Variants in SPG7 observed in about 807,000 individuals in gnomAD.
The protein encoded by SPG7 is mitochondrial inner membrane m-AAA protease component paraplegin.
A neutral mutation model predicts 81.9 loss-of-function variants in SPG7; 103 were observed. That is an observed-to-expected ratio of 1.26 (90% CI 1.07 to 1.48). The LOEUF (loss-of-function observed/expected upper bound fraction) is 1.48. Among genes scored for constraint, SPG7 ranks in the 40% most tolerant of loss-of-function variants. The probability of loss-of-function intolerance (pLI) is 0.00; values close to 1 mark genes in which losing one functional copy is unlikely to be tolerated. For missense variants in SPG7, 1,241 were observed against 1,087.3 expected, an observed-to-expected ratio of 1.14 and a Z score of -1.99; for synonymous variants, 534 against 444.2, an observed-to-expected ratio of 1.20 and a Z score of -2.54.
At chr16:89,532,153 A>C in intron 8 of SPG7, 87 bp downstream of exon 8, 9 of 1,265,954 alleles carry the variant, frequency 7.1e-6, no homozygotes, top group Non-Finnish European at 1.0e-5. Context: ...CTGGACTGAA[A>C]GGGACACGGG....
At position 89,545,624 on chromosome 16, in the gene SPG7, T is replaced by C. The variant is rs378980; in HGVS notation, c.1449+852T>C. Reference sequence around the variant, plus strand: ...GACACTGTTTCTCCAGGGGACACTGTTTCTCCAGGGGATGGCAGCTTCTCC... The same window carrying C: ...GACACTGTTTCTCCAGGGGACACTGCTTCTCCAGGGGATGGCAGCTTCTCC... On this transcript the variant is annotated intron_variant, in intron 10 of 16. Transcript: ENST00000645818. 1.2e-5 allele frequency: 3 copies of C among 241,314 alleles called. No homozygotes were observed. In the East Asian group the frequency reaches 5.0e-4, roughly 40 times the overall value. The allele number at this position is 241,314 out of a possible 1,614,324, so 14.9% of individuals were successfully genotyped here. A position where few individuals can be genotyped will look rare whatever the true frequency, so the allele number is the denominator to read the frequency against.
At chr16:89,546,877 C>A (rs754663605) in intron 11 of SPG7, 117 bp downstream of exon 11, 4 of 748,040 alleles carry the variant, frequency 5.3e-6, no homozygotes, top group Non-Finnish European at 9.6e-6. Flanking sequence ...CTCTGGGGGC[C>A]TCTGCTCAGT....
intron 3 of SPG7, among the ~76,000 whole-genome samples, chr16:89,516,083 G>T (rs2058092766): frequency 6.6e-6 from 1 of 151,752 alleles, no homozygotes; most frequent in Non-Finnish European, 1.5e-5. Flanking sequence ...TGCCTCCTGG[G>T]TTCCAGTGAT....
intron 9 of SPG7, chr16:89,542,961 T>G (rs1443353762): frequency 6.8e-6 from 1 of 147,598 alleles, no homozygotes; most frequent in Non-Finnish European, 1.5e-5. Flanking sequence ...TTTTTTTTTT[T>G]TTTTGAGACG....
In SPG7 at chr16:89,532,024, T is replaced by C; in HGVS notation, c.1108T>C (p.Phe370Leu). 2 of 1,613,594 alleles carry C rather than the reference T, an allele frequency of 1.2e-6. No individual in the cohort carries two copies. Among genetic ancestry groups the C allele is most frequent in the African/African-American group, 2.7e-5 (2 of 75,030 alleles). ...GGTGGCCACGGAGGCTCAGGTGCCC[T>C]TCCTGGCGATGGCCGGCCCAGAGTT... The part of the protein sequence containing the change: ...KAVATEAQVP[F>L]LAMAGPEFVE... Residue 370 changes from phenylalanine (F) to leucine (L), a missense_variant, in exon 8 of 17, where the codon TTC (phenylalanine) becomes CTC (leucine). Coordinates refer to ENST00000645818, the MANE Select transcript of SPG7 (RefSeq NM_003119.4).
At position 89,556,936 on chromosome 16, in the gene SPG7, A is replaced by T; in HGVS notation, c.2231A>T (p.Glu744Val). Residue 744 changes from glutamate (E) to valine (V), a missense_variant, in exon 17 of 17, where the codon GAG (glutamate) becomes GTG (valine). Transcript: ENST00000645818. ...EKEVINYEDI[E>V]ALIGPPPHGP... ...GAAGTGATAAACTATGAGGACATTG[A>T]GGCTCTCATTGGCCCGCCGCCCCAT... is the stretch of plus-strand genomic sequence containing the variant. 1.2e-6 allele frequency: 2 copies of T among 1,614,090 alleles called. No individual in the cohort carries two copies.
At chr16:89,532,130 C>A in intron 8 of SPG7, 64 bp downstream of exon 8, 1 of 1,522,736 alleles carries the variant, frequency 6.6e-7, no homozygotes, top group Non-Finnish European at 9.0e-7. Context: ...TTCACACATC[C>A]TTCCTCTGGT....
rs863224219 is a variant in SPG7 at position 89,530,762 on chromosome 16, T to C, written c.941T>C (p.Met314Thr). The change falls in exon 7 of 17, where the codon ATG becomes ACG. Residue 314 changes from methionine to threonine, a missense_variant. Coordinates refer to ENST00000645818, the MANE Select transcript of SPG7 (RefSeq NM_003119.4). The stretch of plus-strand genomic sequence containing the variant: ...GTCAGCTTCAAAGACGTGGCAGGAA[T>C]GCACGAAGCCAAACTGGAAGTCCGC... ...KGVSFKDVAG[M>T]HEAKLEVREF... 9.3e-6 allele frequency: 15 copies of C among 1,614,004 alleles called. No homozygotes were observed. The highest frequency in any genetic ancestry group is 1.3e-5 in the Non-Finnish European group (15 of 1,180,028).
rs1293278204 is a variant in SPG7, at chr16:89,557,039, C to T, written c.2334C>T (p.Thr778=). The T allele has an allele frequency of 1.1e-5, 18 of 1,612,586 alleles. No homozygotes were observed. The highest frequency in any genetic ancestry group is 2.2e-5 in the East Asian group (1 of 44,894). The stretch of plus-strand genomic sequence containing the variant: ...AACAGGACTTGGGCGAGGAGGAGAC[C>T]GAAGAGACCCAGCAGCCTCCACTTG... The part of the protein sequence containing the change: ...REKQDLGEEE[T]EETQQPPLGG... Residue 778 remains threonine, a synonymous_variant, in exon 17 of 17, where the codon ACC becomes ACT. Coordinates refer to ENST00000645818, the MANE Select transcript of SPG7 (RefSeq NM_003119.4).
rs886052475 is a variant in SPG7, at chr16:89,557,190, G to T, written c.*97G>T. ...TCAGCTGAGGTTTGCACTTCCTCTCGCGGCCCTCAGTAGTCCCTGCACAGT... is the reference window on the plus strand; with the variant it reads ...TCAGCTGAGGTTTGCACTTCCTCTCTCGGCCCTCAGTAGTCCCTGCACAGT... On this transcript the variant is annotated 3_prime_UTR_variant, in exon 17 of 17. Coordinates refer to ENST00000645818, the MANE Select transcript of SPG7 (RefSeq NM_003119.4). The T allele has an allele frequency of 2.5e-6, 2 of 812,746 alleles. No homozygotes were observed. The highest frequency in any genetic ancestry group is 2.1e-6 in the Non-Finnish European group (1 of 483,054). 50.3% of individuals were successfully genotyped at this position (812,746 alleles called of 1,614,324 possible).
intron 15 of SPG7, 99 bp downstream of exon 15, chr16:89,554,059 C>T (rs765433981): frequency 1.1e-4 from 148 of 1,326,064 alleles, no homozygotes; most frequent in Non-Finnish European, 1.4e-4. Flanking sequence ...CCCAGCGGAG[C>T]TCAGCTGCAG....
intron 9 of SPG7, chr16:89,543,206 C>G (rs993633700): frequency 6.6e-6 from 1 of 152,092 alleles, no homozygotes; most frequent in South Asian, 2.1e-4. Context: ...CTCGGCCTCC[C>G]AAAGTGCTGG....
At chr16:89,534,658 A>AG (rs1346246788) in intron 9 of SPG7, among the ~76,000 whole-genome samples, 2 of 152,208 alleles carry the variant, frequency 1.3e-5, no homozygotes, top group Non-Finnish European at 2.9e-5. Context: ...TACTCAGCTA[A>AG]GGGGGAGCTT....
At position 89,553,150 on chromosome 16, in the gene SPG7, C is replaced by T. The variant is rs370954971; in HGVS notation, c.1936+15C>T. On this transcript the variant is annotated intron_variant, in intron 14 of 16. Transcript: ENST00000645818. ...GGTCACTTCTGGTGAGGAGCAGCGG[C>T]GCGGGCCCTGGAGGTTTCAGAGCGC... 1.5e-4 allele frequency: 242 copies of T among 1,588,622 alleles called. No homozygotes were observed. Among genetic ancestry groups the T allele is most frequent in the South Asian group, 1.2e-3 (106 of 87,772 alleles).
chr16:89,528,946 GGATTGCA>G (rs1316520045), intron 5 of SPG7: 6 of 187,156 alleles, frequency 3.2e-5, no homozygotes, highest in African/African-American at 1.2e-4. Flanking sequence ...CAAGTAGCTG[GGATTGCA>G]GACGCATGCC....
rs76647055 is a variant in SPG7, at chr16:89,554,818, C to T, written c.2181+255C>T. The T allele has an allele frequency of 2.3e-5, 11 of 473,846 alleles. No individual in the cohort carries two copies. In the South Asian group the frequency reaches 2.4e-4, roughly 10 times the overall value. 29.4% of individuals were successfully genotyped at this position (473,846 alleles called of 1,614,324 possible). On this transcript the variant is annotated intron_variant, in intron 16 of 16. Coordinates refer to ENST00000645818, the MANE Select transcript of SPG7 (RefSeq NM_003119.4). ...TGCCTCTTCCTGCCATTAGCAATTACCAATGTTTTGTCAGTTTTGTTTAAT... is the reference window on the plus strand; with the variant it reads ...TGCCTCTTCCTGCCATTAGCAATTATCAATGTTTTGTCAGTTTTGTTTAAT...
At chr16:89,521,434 A>T (rs1242306485) in intron 3 of SPG7, 1 of 152,216 alleles carries the variant, frequency 6.6e-6, no homozygotes, top group Non-Finnish European at 1.5e-5. Flanking sequence ...GACCAAATCC[A>T]AGCTGTCATT....
At chr16:89,536,070 C>T (rs1300114778) in intron 9 of SPG7, among the ~76,000 whole-genome samples, 4 of 144,882 alleles carry the variant, frequency 2.8e-5, no homozygotes, top group African/African-American at 5.2e-5. Flanking sequence ...TCAGTGTGGC[C>T]GCTCTGGTGC....
Position 89,513,010 on chromosome 16 carries a change from A to G in SPG7, c.349A>G (p.Lys117Glu). ...GAAGAATAAGGAGAAGGATAAGTCG[A>G]AGGGGAAGGCGCCTGAAGAGGACGA... Reference protein sequence around the residue: ...KQKNKEKDKSKGKAPEEDEEE... With the variant: ...KQKNKEKDKSEGKAPEEDEEE... The change falls in exon 3 of 17, where the codon AAG becomes GAG. Residue 117 changes from lysine to glutamate, a missense_variant. By Grantham distance (56) the Lys-to-Glu change is moderately conservative. Coordinates refer to ENST00000645818, the MANE Select transcript of SPG7 (RefSeq NM_003119.4). 2 of 1,613,230 alleles carry G rather than the reference A, an allele frequency of 1.2e-6. No individual in the cohort carries two copies. The highest frequency in any genetic ancestry group is 1.7e-6 in the Non-Finnish European group (2 of 1,179,360).
Sources: allele counts gnomAD v4.1 joint callset (sites outside exome capture counted in the v4.1 genomes callset), GRCh38; gene constraint gnomAD v4.1.1; transcripts MANE v1.5; gene names NCBI Gene and HGNC (gene_info 2026-07-23, HGNC 2026-07-21).